Variants in AKT1 observed in about 807,000 individuals in gnomAD.
AKT1 encodes the protein AKT serine/threonine kinase 1.
A neutral mutation model predicts 63.1 loss-of-function variants in AKT1; 21 were observed. That is an observed-to-expected ratio of 0.33 (90% CI 0.24 to 0.48). The LOEUF is 0.48. Among genes scored for constraint, AKT1 ranks in the 20% least tolerant of loss-of-function variants. AKT1 has a pLI of 0.99. For missense variants in AKT1, 382 were observed against 666.0 expected (o/e 0.57, Z 4.69); for synonymous variants, 257 against 253.1 (o/e 1.02, Z -0.15).
At chr14:104,774,137 A>G (rs1288026129) in intron 8 of AKT1, 157 bp from the exon 9 acceptor site, 3 of 635,124 alleles carry the variant, frequency 4.7e-6, no homozygotes, top group Non-Finnish European at 5.7e-6. Flanking sequence ...CTGATACCAC[A>G]CCGCCCGATA....
In AKT1 at chr14:104,769,536, G is replaced by A. The variant is rs753950090; in HGVS notation, c.*805C>T. The A allele has an allele frequency of 3.2e-5, 17 of 533,408 alleles. No homozygotes were observed. The highest frequency in any genetic ancestry group is 1.2e-4 in the East Asian group (3 of 25,390). 33.0% of individuals were successfully genotyped at this position (533,408 alleles called of 1,614,324 possible). ...CAGGGAGTCAGGGAGGGCCTGGGGC[G>A]ACAGCGGAAAGGTTAAGCGTCGAAA... On this transcript the variant is annotated 3_prime_UTR_variant, in exon 15 of 15. Coordinates refer to ENST00000649815, the MANE Select transcript of AKT1 (RefSeq NM_001382430.1).
intron 2 of AKT1, 96 bp from the exon 3 acceptor site, chr14:104,792,818 G>T: frequency 1.4e-6 from 1 of 722,420 alleles, no homozygotes; most frequent in South Asian, 1.6e-5. Flanking sequence ...CGTGCCTGGG[G>T]GCTCCACCCG....
intron 3 of AKT1, among the ~76,000 whole-genome samples, chr14:104,787,684 C>G (rs1329071814): frequency 6.6e-6 from 1 of 152,254 alleles, no homozygotes; most frequent in East Asian, 1.9e-4. Flanking sequence ...AATCATTCCA[C>G]CCACATTCTG....
At chr14:104,773,822 T>C (rs1011707063) in intron 9 of AKT1, 90 bp downstream of exon 9, 1 of 1,378,832 alleles carries the variant, frequency 7.3e-7, no homozygotes, top group East Asian at 2.5e-5. Flanking sequence ...TCTGGTGCCA[T>C]GGAGAGTAGC....
At position 104,777,639 on chromosome 14, in the gene AKT1, T is replaced by C. The variant is rs897687836; in HGVS notation, c.176-869A>G. The C allele has an allele frequency of 8.6e-5, 85 of 988,104 alleles. No individual in the cohort carries two copies. The South Asian group carries it at 3.6e-3, about 42-fold the overall frequency. The allele number at this position is 988,104 out of a possible 1,614,324, so 61.2% of individuals were successfully genotyped here. On this transcript the variant is annotated intron_variant, in intron 4 of 14. Transcript: ENST00000649815. ...GGAACGTGCGGGGCCCTGAGAGGTG[T>C]GAGTGAGTGGAGTGTGTAGCCGCTG...
intron 14 of AKT1, 113 bp downstream of exon 14, chr14:104,770,632 C>G: frequency 9.0e-7 from 1 of 1,114,006 alleles, no homozygotes; most frequent in Non-Finnish European, 1.3e-6. Context: ...CAAAAGGAAC[C>G]TTTTTAAATA....
chr14:104,770,645 T>C, intron 14 of AKT1, 100 bp downstream of exon 14: 5 of 1,189,058 alleles, frequency 4.2e-6, no homozygotes, highest in Non-Finnish European at 6.1e-6. Flanking sequence ...TTTAAATATT[T>C]AGATTTTAAA....
intron 5 of AKT1, 25 bp from the exon 6 acceptor site, chr14:104,775,824 A>T: frequency 6.2e-7 from 1 of 1,611,148 alleles, no homozygotes; most frequent in Non-Finnish European, 8.5e-7. Context: ...GTGAGGCTGC[A>T]GGCCTGTACC....
chr14:104,774,807 T>C (rs1892613466), intron 8 of AKT1, 131 bp downstream of exon 8: 1 of 1,023,814 alleles, frequency 9.8e-7, no homozygotes. Flanking sequence ...CAGGCCTGTC[T>C]CACCAGCGGC....
At chr14:104,792,952 T>C in intron 2 of AKT1, 175 bp downstream of exon 2, 1 of 542,802 alleles carries the variant, frequency 1.8e-6, no homozygotes, top group East Asian at 3.1e-5. Context: ...TTGAACACAG[T>C]TCCCTGGACC....
chr14:104,780,349 G>A lies in AKT1; in HGVS notation c.47-133C>T, dbSNP rs2494738. On this transcript the variant is annotated intron_variant, in intron 3 of 14. Coordinates refer to ENST00000649815, the MANE Select transcript of AKT1 (RefSeq NM_001382430.1). ...GAGTCCCAGGGGGCAGGCGCGGTAC[G>A]GGAGCTGTTTCTTAGGGCCAGCGAC... is the stretch of plus-strand genomic sequence containing the variant. The A allele has an allele frequency of 0.091, 116,814 of 1,280,294 alleles. 9,192 individuals carry two copies. Among genetic ancestry groups the A allele is most frequent in the East Asian group, 0.45 (17,253 of 38,096 alleles). The allele number at this position is 1,280,294 out of a possible 1,614,324, so 79.3% of individuals were successfully genotyped here.
chr14:104,771,998 G>C (rs1374996142), intron 13 of AKT1: 2 of 415,218 alleles, frequency 4.8e-6, no homozygotes, highest in Non-Finnish European at 4.4e-6. Context: ...TGGAGGCCAA[G>C]GGGCAGCACC....
Position 104,770,354 on chromosome 14 carries a change from C to G in AKT1, c.1430G>C (p.Ser477Thr). ...PHFPQFSYSA[S>T]GTA Reference sequence around the variant, plus strand: ...TCCACCGCCGCCTCAGGCCGTGCCGCTGGCCGAGTAGGAGAACTGGGGGAA... The same window carrying G: ...TCCACCGCCGCCTCAGGCCGTGCCGGTGGCCGAGTAGGAGAACTGGGGGAA... Residue 477 changes from serine (S) to threonine (T), a missense_variant, in exon 15 of 15, where the codon AGC becomes ACC. Ser to Thr is a moderately conservative substitution (Grantham distance 58). Transcript: ENST00000649815. 6.2e-7 allele frequency: 1 copy of G among 1,612,086 alleles called. No individual in the cohort carries two copies.
In AKT1 at chr14:104,770,220, G is replaced by C. The variant is rs17846826; in HGVS notation, c.*121C>G. ...CAAAAACGTCTTTCCATCTGGGCTCGAGAGGACAGCGTGGCTTCTCTCAAA... is the reference window on the plus strand; with the variant it reads ...CAAAAACGTCTTTCCATCTGGGCTCCAGAGGACAGCGTGGCTTCTCTCAAA... On this transcript the variant is annotated 3_prime_UTR_variant, in exon 15 of 15. Transcript: ENST00000649815. The C allele has an allele frequency of 2.7e-6, 3 of 1,128,024 alleles. No homozygotes were observed. In the African/African-American group the frequency reaches 4.6e-5, roughly 17 times the overall value. The allele number at this position is 1,128,024 out of a possible 1,614,324, so 69.9% of individuals were successfully genotyped here. A position where few individuals can be genotyped will look rare whatever the true frequency, so the allele number is the denominator to read the frequency against.
chr14:104,778,482 G>T (rs891499231), intron 4 of AKT1: 2 of 152,324 alleles, frequency 1.3e-5, no homozygotes, highest in Non-Finnish European at 2.9e-5. Context: ...AAGAGCCAGG[G>T]AAGGAGACCT....
chr14:104,778,671 G>T (rs1406459368), intron 4 of AKT1: 4 of 152,276 alleles, frequency 2.6e-5, no homozygotes, highest in Admixed American at 2.6e-4. Context: ...ATACGTGCAG[G>T]CACCAAGGGT....
Position 104,769,533 on chromosome 14 carries a change from G to A in AKT1, c.*808C>T, listed in dbSNP as rs764172888. Reference sequence around the variant, plus strand: ...CCACAGGGAGTCAGGGAGGGCCTGGGGCGACAGCGGAAAGGTTAAGCGTCG... The same window carrying A: ...CCACAGGGAGTCAGGGAGGGCCTGGAGCGACAGCGGAAAGGTTAAGCGTCG... On this transcript the variant is annotated 3_prime_UTR_variant, in exon 15 of 15. Transcript: ENST00000649815. 1.3e-5 allele frequency: 7 copies of A among 533,492 alleles called. No individual in the cohort carries two copies. Among genetic ancestry groups the A allele is most frequent in the African/African-American group, 3.7e-5 (2 of 53,692 alleles). 33.0% of individuals were successfully genotyped at this position (533,492 alleles called of 1,614,324 possible).
intron 3 of AKT1, among the ~76,000 whole-genome samples, chr14:104,782,215 C>T (rs1210975838): frequency 2.6e-5 from 4 of 151,040 alleles, no homozygotes; most frequent in African/African-American, 4.8e-5. Context: ...CCGCTGCTCA[C>T]GCCCACCCGC....
intron 3 of AKT1, among the ~76,000 whole-genome samples, chr14:104,787,147 C>A (rs888576733): frequency 6.6e-6 from 1 of 152,182 alleles, no homozygotes; most frequent in African/African-American, 2.4e-5. Context: ...GAACTCCCAA[C>A]CCCCTCAATT....
Sources: allele counts gnomAD v4.1 joint callset (sites outside exome capture counted in the v4.1 genomes callset), GRCh38; gene constraint gnomAD v4.1.1; transcripts MANE v1.5; gene names NCBI Gene and HGNC (gene_info 2026-07-23, HGNC 2026-07-21).